The following METTL24 variants were observed in gnomAD, a reference collection of about 807,000 sequenced individuals.
METTL24 encodes the protein methyltransferase like 24, also known as probable methyltransferase-like protein 24.
A neutral mutation model predicts 32.7 loss-of-function variants in METTL24; 29 were observed. The observed-to-expected ratio is 0.89, with a 90% CI of 0.66 to 1.21. The LOEUF is 1.21. METTL24 is among the 50% of genes most tolerant of loss of function. METTL24 has a pLI of 0.00. For missense variants in METTL24, 439 were observed against 468.1 expected, an observed-to-expected ratio of 0.94 and a Z score of 0.57; for synonymous variants, 163 against 179.5, an observed-to-expected ratio of 0.91 and a Z score of 0.73.
At chr6:110,261,518 G>A (rs1770730346) in intron 4 of METTL24, among the ~76,000 whole-genome samples, 1 of 152,142 alleles carries the variant, frequency 6.6e-6, no homozygotes, top group Admixed American at 6.5e-5. Flanking sequence ...ATAATAATGG[G>A]AGACTTTAAC....
chr6:110,347,745 C>A (rs1351825286), intron 1 of METTL24, among the ~76,000 whole-genome samples: 1 of 151,960 alleles, frequency 6.6e-6, no homozygotes, highest in Non-Finnish European at 1.5e-5. Flanking sequence ...TACTATGGAC[C>A]AAAATCATTG....
rs919127897 is a variant in METTL24, at chr6:110,245,272, G to T, written c.*674C>A. ...TTCTCTGTCTGGCTGTCTTCAAGCT[G>T]GGACATGGGTCTTGGTGAGGTCAAG... On this transcript the variant is annotated 3_prime_UTR_variant, in exon 5 of 5. Transcript: ENST00000338882. Among the ~76,000 whole-genome samples the T allele has an allele frequency of 1.3e-5, 2 of 152,176 alleles. No individual in the cohort carries two copies. The highest frequency in any genetic ancestry group is 4.8e-5 in the African/African-American group (2 of 41,436).
At chr6:110,355,948 CT>C (rs1772689074) in intron 1 of METTL24, among the ~76,000 whole-genome samples, 2 of 152,150 alleles carry the variant, frequency 1.3e-5, no homozygotes, top group Admixed American at 6.5e-5. Flanking sequence ...CAAACCTGTC[CT>C]TTGTAGGACA....
At chr6:110,254,593 C>T (rs2114693832) in intron 4 of METTL24, among the ~76,000 whole-genome samples, 1 of 152,296 alleles carries the variant, frequency 6.6e-6, no homozygotes, top group South Asian at 2.1e-4. Flanking sequence ...GATCATGCCA[C>T]TGCACTCCAG....
chr6:110,346,225 T>C (rs1282776174), intron 1 of METTL24, among the ~76,000 whole-genome samples: 2 of 152,204 alleles, frequency 1.3e-5, no homozygotes, highest in East Asian at 3.9e-4. Context: ...TACCCAGTGA[T>C]AGAAACAACC....
At chr6:110,313,833 C>T (rs1344499126) in intron 3 of METTL24, among the ~76,000 whole-genome samples, 1 of 152,198 alleles carries the variant, frequency 6.6e-6, no homozygotes, top group Non-Finnish European at 1.5e-5. Context: ...GCTTCCCTCC[C>T]TAGTCTCTCC....
At chr6:110,307,913 T>A (rs1431780122) in intron 3 of METTL24, among the ~76,000 whole-genome samples, 1 of 152,196 alleles carries the variant, frequency 6.6e-6, no homozygotes, top group Non-Finnish European at 1.5e-5. Flanking sequence ...CTGCATATAT[T>A]AATGCTGGGG....
intron 2 of METTL24, among the ~76,000 whole-genome samples, chr6:110,318,600 C>T (rs1321956209): frequency 3.5e-5 from 5 of 144,242 alleles, no homozygotes; most frequent in South Asian, 2.2e-4. Flanking sequence ...TGCAGTGAGC[C>T]GAGATTGCGC....
chr6:110,266,143 G>C (rs189994886), intron 4 of METTL24, among the ~76,000 whole-genome samples: 1 of 151,716 alleles, frequency 6.6e-6, no homozygotes, highest in Non-Finnish European at 1.5e-5. Context: ...GGCATCAAGC[G>C]ATCCTCCCAC....
At chr6:110,284,517 A>T (rs1305119177) in intron 4 of METTL24, among the ~76,000 whole-genome samples, 1 of 152,188 alleles carries the variant, frequency 6.6e-6, no homozygotes, top group Non-Finnish European at 1.5e-5. Context: ...ATGGAGAGAA[A>T]GATGGATGGG....
intron 2 of METTL24, among the ~76,000 whole-genome samples, 158 bp from the exon 3 acceptor site, chr6:110,315,639 A>G (rs895456814): frequency 6.6e-6 from 1 of 152,240 alleles, no homozygotes; most frequent in Non-Finnish European, 1.5e-5. Flanking sequence ...CAAGACTGCT[A>G]TAAAGTGTTT....
At chr6:110,290,107 G>A (rs1305185426) in intron 4 of METTL24, among the ~76,000 whole-genome samples, 1 of 151,872 alleles carries the variant, frequency 6.6e-6, no homozygotes, top group Non-Finnish European at 1.5e-5. Context: ...GTAGAGATGG[G>A]GTTTTGCCAT....
chr6:110,356,843 G>T (rs181809491), intron 1 of METTL24, among the ~76,000 whole-genome samples: 2 of 152,364 alleles, frequency 1.3e-5, no homozygotes, highest in Admixed American at 1.3e-4. Context: ...TAGCACGATG[G>T]CCCAGCAAGG....
rs753648663 is a variant in METTL24, at chr6:110,246,241, T to A, written c.806A>T (p.Asp269Val). The A allele has an allele frequency of 1.2e-6, 2 of 1,611,498 alleles. No homozygotes were observed. The highest frequency in any genetic ancestry group is 1.7e-6 in the Non-Finnish European group (2 of 1,178,432). Residue 269 changes from aspartate (D) to valine (V), a missense_variant, in exon 5 of 5, where the codon GAT (aspartate) becomes GTT (valine). Asp to Val is a radical substitution (Grantham distance 152). Transcript: ENST00000338882. Reference protein sequence around the residue: ...GHHKIDVLKADLESAEWKVLE... With the variant: ...GHHKIDVLKAVLESAEWKVLE... The stretch of plus-strand genomic sequence containing the variant: ...AACTTTCCATTCTGCACTTTCCAGA[T>A]CTGCCTTGAGAACGTCAATCTGTAA...
At chr6:110,280,152 T>C (rs964646483) in intron 4 of METTL24, among the ~76,000 whole-genome samples, 4 of 152,156 alleles carry the variant, frequency 2.6e-5, no homozygotes, top group Non-Finnish European at 4.4e-5. Context: ...TACCAGGCCC[T>C]ACCTCCAACA....
chr6:110,335,778 A>G (rs942342862), intron 1 of METTL24, among the ~76,000 whole-genome samples: 1 of 152,092 alleles, frequency 6.6e-6, no homozygotes, highest in South Asian at 2.1e-4. Context: ...GCTGCTTCAT[A>G]TTATAATTGA....
intron 1 of METTL24, 65 bp downstream of exon 1, chr6:110,357,890 C>T: frequency 1.0e-6 from 1 of 983,696 alleles, no homozygotes; most frequent in Non-Finnish European, 1.3e-6. Flanking sequence ...GAGCGCCGGG[C>T]TCCGTAGCGC....
At chr6:110,279,908 A>C (rs1771108489) in intron 4 of METTL24, among the ~76,000 whole-genome samples, 1 of 152,192 alleles carries the variant, frequency 6.6e-6, no homozygotes, top group African/African-American at 2.4e-5. Context: ...AGGAAGCATG[A>C]TGCTGGCATC....
chr6:110,295,351 C>T (rs1466641903), intron 4 of METTL24, among the ~76,000 whole-genome samples: 1 of 152,110 alleles, frequency 6.6e-6, no homozygotes, highest in Non-Finnish European at 1.5e-5. Context: ...ATGGCGAGCT[C>T]CCAGCCAAGG....
Sources: allele counts gnomAD v4.1 joint callset (sites outside exome capture counted in the v4.1 genomes callset), GRCh38; gene constraint gnomAD v4.1.1; transcripts MANE v1.5; gene names NCBI Gene and HGNC (gene_info 2026-07-23, HGNC 2026-07-21).